The following ELK3 variants were observed in gnomAD, a reference collection of about 807,000 sequenced individuals.
ELK3 encodes ETS domain-containing protein Elk-3.
A neutral mutation model predicts 28.9 loss-of-function variants in ELK3; 10 were observed. The ratio of observed to expected loss-of-function variants is 0.35; its 90% CI spans 0.21 to 0.59. ELK3 has a LOEUF of 0.59. ELK3 is among the 20% of genes least tolerant of loss of function. The pLI, the probability that ELK3 is intolerant of heterozygous loss-of-function variation, is 0.82. For missense variants in ELK3, 463 were observed against 517.3 expected (o/e 0.90, Z 1.02); for synonymous variants, 272 against 243.5 (o/e 1.12, Z -1.09).
Position 96,238,543 on chromosome 12 carries a change from A to T in ELK3, c.208-8397A>T, listed in dbSNP as rs573618347. On this transcript the variant is annotated intron_variant, in intron 2 of 4. Transcript: ENST00000228741. ...GCAGTGGGTGCCATCACCGGGCTGT[A>T]TATGGTGGACACGAGCTTCCTGTTG... is the stretch of plus-strand genomic sequence containing the variant. Among the ~76,000 whole-genome samples the T allele has an allele frequency of 2.6e-5, 4 of 152,258 alleles. No individual in the cohort carries two copies. The South Asian group carries it at 8.3e-4, about 32-fold the overall frequency.
chr12:96,239,475 C>A (rs1951805833), intron 2 of ELK3, among the ~76,000 whole-genome samples: 2 of 152,158 alleles, frequency 1.3e-5, no homozygotes, highest in Non-Finnish European at 2.9e-5. Context: ...CCAGGGGGAC[C>A]TTGGCTTCTC....
At position 96,269,567 on chromosome 12, in the gene ELK3, C is replaced by G. The variant is rs973380639; in HGVS notation, c.*2387C>G. ...CTCACTCATATAGCTCTGCCTCATTCTGTGTGTGTGTGCATGTGTGTGTTA... is the reference window on the plus strand; with the variant it reads ...CTCACTCATATAGCTCTGCCTCATTGTGTGTGTGTGTGCATGTGTGTGTTA... On this transcript the variant is annotated 3_prime_UTR_variant, in exon 5 of 5. Coordinates refer to ENST00000228741, the MANE Select transcript of ELK3 (RefSeq NM_005230.4). The G allele has an allele frequency of 1.3e-5, 2 of 152,002 alleles. No homozygotes were observed. Among genetic ancestry groups the G allele is most frequent in the Non-Finnish European group, 2.9e-5 (2 of 67,976 alleles). 9.4% of individuals were successfully genotyped at this position (152,002 alleles called of 1,614,324 possible).
chr12:96,216,443 G>C (rs571461049), intron 1 of ELK3, among the ~76,000 whole-genome samples: 41 of 152,318 alleles, frequency 2.7e-4, no homozygotes, highest in African/African-American at 9.4e-4. Flanking sequence ...TTTCATATTT[G>C]ATGATAGACT....
At chr12:96,226,188 CGA>C (rs1424394650) in intron 2 of ELK3, among the ~76,000 whole-genome samples, 1 of 152,086 alleles carries the variant, frequency 6.6e-6, no homozygotes, top group Non-Finnish European at 1.5e-5. Flanking sequence ...TCCCAGCAAA[CGA>C]TGTGTATCAG....
chr12:96,206,412 G>A (rs956256477), intron 1 of ELK3, among the ~76,000 whole-genome samples: 3 of 152,016 alleles, frequency 2.0e-5, no homozygotes, highest in South Asian at 2.1e-4. Flanking sequence ...CGCCTCCCAG[G>A]TTAAAGCGAT....
At chr12:96,255,065 AT>A (rs1158219164) in intron 3 of ELK3, among the ~76,000 whole-genome samples, 1 of 152,126 alleles carries the variant, frequency 6.6e-6, no homozygotes, top group Non-Finnish European at 1.5e-5. Flanking sequence ...TGCTATTGGA[AT>A]ATTCCAGGCG....
chr12:96,246,043 A>G, intron 2 of ELK3, among the ~76,000 whole-genome samples: 1 of 152,240 alleles, frequency 6.6e-6, no homozygotes, highest in South Asian at 2.1e-4. Context: ...AAAAGGAAAA[A>G]AATGACTGAG....
chr12:96,267,239 C>CT lies in ELK3; in HGVS notation c.*60dup. The CT allele has an allele frequency of 1.4e-6, 2 of 1,448,534 alleles. No homozygotes were observed. Among genetic ancestry groups the CT allele is most frequent in the Non-Finnish European group, 1.9e-6 (2 of 1,053,830 alleles). The allele number at this position is 1,448,534 out of a possible 1,614,324, so 89.7% of individuals were successfully genotyped here. A position where few individuals can be genotyped will look rare whatever the true frequency, so the allele number is the denominator to read the frequency against. ...GATGAAACAAATTTGTCCCCACGGGCTAGTTTACCTGTGTCGTGAGAAGGA... is the reference window on the plus strand; with the variant it reads ...GATGAAACAAATTTGTCCCCACGGGCTTAGTTTACCTGTGTCGTGAGAAGGA... On this transcript the variant is annotated 3_prime_UTR_variant, in exon 5 of 5. Transcript: ENST00000228741.
intron 2 of ELK3, among the ~76,000 whole-genome samples, chr12:96,233,432 A>G (rs1394434434): frequency 1.3e-5 from 2 of 152,164 alleles, no homozygotes; most frequent in Non-Finnish European, 2.9e-5. Context: ...CTCCACAGCA[A>G]CCTCTTGGCT....
chr12:96,252,369 A>G (rs971165225), intron 3 of ELK3, among the ~76,000 whole-genome samples: 4 of 151,472 alleles, frequency 2.6e-5, no homozygotes, highest in African/African-American at 9.7e-5. Flanking sequence ...TTGACTTTCA[A>G]GTCTTATTAC....
chr12:96,246,886 T>C lies in ELK3; in HGVS notation c.208-54T>C, dbSNP rs1002089371. The stretch of plus-strand genomic sequence containing the variant: ...GACATTTACCATTATCATGAGCTCT[T>C]ACATGGTTTCTCGGGTGCACTCAGA... On this transcript the variant is annotated intron_variant, in intron 2 of 4. Coordinates refer to ENST00000228741, the MANE Select transcript of ELK3 (RefSeq NM_005230.4). 2.0e-6 allele frequency: 3 copies of C among 1,519,192 alleles called. No individual in the cohort carries two copies. The Admixed American group carries it at 6.2e-5, about 31-fold the overall frequency. 94.1% of individuals were successfully genotyped at this position (1,519,192 alleles called of 1,614,324 possible). A position where few individuals can be genotyped will look rare whatever the true frequency, so the allele number is the denominator to read the frequency against.
rs1472610183 is a variant in ELK3 at position 96,268,415 on chromosome 12, A to ATGAT, written c.*1236_*1239dup. ...ACCTCATCATCGTGGAACTGAACTG[A>ATGAT]TGATAACTTGGAACACTCCAGTAAA... On this transcript the variant is annotated 3_prime_UTR_variant, in exon 5 of 5. Coordinates refer to ENST00000228741, the MANE Select transcript of ELK3 (RefSeq NM_005230.4). 6.6e-6 allele frequency: 1 copy of ATGAT among 152,212 alleles called. No homozygotes were observed. 9.4% of individuals were successfully genotyped at this position (152,212 alleles called of 1,614,324 possible). A position where few individuals can be genotyped will look rare whatever the true frequency, so the allele number is the denominator to read the frequency against.
chr12:96,244,005 CAAAAAAAA>C (rs146090608), intron 2 of ELK3, among the ~76,000 whole-genome samples: 1 of 111,142 alleles, frequency 9.0e-6, no homozygotes, highest in Non-Finnish European at 1.9e-5. Flanking sequence ...GACTCCATCT[CAAAAAAAA>C]AAAAAAAAAA....
In ELK3 at chr12:96,218,365, C is replaced by T. The variant is rs79430989; in HGVS notation, c.-2-5200C>T. On this transcript the variant is annotated intron_variant, in intron 1 of 4. Coordinates refer to ENST00000228741, the MANE Select transcript of ELK3 (RefSeq NM_005230.4). ...GGCCTCAGTATGAAAGCACAGAGTT[C>T]GATTCTGCAAAAAGAATGGCATTAA... is the stretch of plus-strand genomic sequence containing the variant. Among the ~76,000 whole-genome samples the T allele has an allele frequency of 8.5e-3, 1,291 of 152,114 alleles. 16 individuals are homozygous for T. Among genetic ancestry groups the T allele is most frequent in the African/African-American group, 0.03 (1,238 of 41,478 alleles).
intron 2 of ELK3, among the ~76,000 whole-genome samples, chr12:96,233,244 T>C (rs1951756289): frequency 6.6e-6 from 1 of 152,194 alleles, no homozygotes; most frequent in Admixed American, 6.5e-5. Context: ...AGACACGGGT[T>C]CTCTCTGTTG....
intron 1 of ELK3, among the ~76,000 whole-genome samples, chr12:96,203,871 G>A (rs1164179831): frequency 1.3e-5 from 2 of 152,160 alleles, no homozygotes; most frequent in African/African-American, 2.4e-5. Context: ...AACCCGGGCG[G>A]TGAAGCTTTC....
intron 3 of ELK3, among the ~76,000 whole-genome samples, chr12:96,256,288 G>A (rs1951948090): frequency 6.6e-6 from 1 of 152,200 alleles, no homozygotes; most frequent in African/African-American, 2.4e-5. Context: ...CATTTTGCAT[G>A]GTGGGGCCTG....
intron 2 of ELK3, among the ~76,000 whole-genome samples, chr12:96,224,511 C>T (rs1330828201): frequency 1.3e-5 from 2 of 152,212 alleles, no homozygotes; most frequent in Non-Finnish European, 2.9e-5. Context: ...TCATGGGAAA[C>T]TTCCCTAATT....
At chr12:96,222,917 G>C (rs1353372602) in intron 1 of ELK3, 1 of 154,292 alleles carries the variant, frequency 6.5e-6, no homozygotes, top group Admixed American at 6.4e-5. Flanking sequence ...GAAGGCAAAA[G>C]GGGAGCAGGC....
Sources: gnomAD v4.1 joint callset for allele counts (sites outside exome capture counted in the v4.1 genomes callset) on GRCh38, gnomAD v4.1.1 for gene constraint, MANE v1.5 for transcripts, NCBI Gene and HGNC (gene_info 2026-07-23, HGNC 2026-07-21) for gene names.